Variants in RIT2 observed in about 807,000 individuals in gnomAD.
RIT2 encodes GTP-binding protein Rit2.
A neutral mutation model predicts 23.7 loss-of-function variants in RIT2; 24 were observed. The ratio of observed to expected loss-of-function variants is 1.01; its 90% CI spans 0.73 to 1.43. RIT2 has a LOEUF of 1.43. RIT2 is among the 40% of genes most tolerant of loss of function. RIT2 has a pLI of 0.00. For missense variants in RIT2, 236 were observed against 266.9 expected (o/e 0.88, Z 0.81); for synonymous variants, 107 against 91.1 (o/e 1.17, Z -0.99).
At chr18:42,789,192 T>C (rs1913986107) in intron 4 of RIT2, among the ~76,000 whole-genome samples, 1 of 152,176 alleles carries the variant, frequency 6.6e-6, no homozygotes, top group Admixed American at 6.5e-5. Context: ...ATAATTTCTG[T>C]AACATCAGTA....
chr18:42,762,676 AATTT>A (rs775394977), intron 4 of RIT2, among the ~76,000 whole-genome samples: 3 of 152,154 alleles, frequency 2.0e-5, no homozygotes, highest in Non-Finnish European at 4.4e-5. Flanking sequence ...ACTGCACTTA[AATTT>A]ATTTGTCATA....
intron 1 of RIT2, among the ~76,000 whole-genome samples, chr18:43,088,866 G>A (rs1014061674): frequency 7.2e-5 from 11 of 152,072 alleles, no homozygotes; most frequent in African/African-American, 2.2e-4. Context: ...GCAATCTAAG[G>A]AGAGGTATGT....
chr18:42,784,817 T>C (rs1913888911), intron 4 of RIT2, among the ~76,000 whole-genome samples: 1 of 152,090 alleles, frequency 6.6e-6, no homozygotes, highest in Non-Finnish European at 1.5e-5. Context: ...ACATGATTTA[T>C]AGAACATTGA....
intron 4 of RIT2, among the ~76,000 whole-genome samples, chr18:42,873,791 G>A (rs1907679178): frequency 6.6e-6 from 1 of 152,126 alleles, no homozygotes; most frequent in African/African-American, 2.4e-5. Flanking sequence ...TTTCAGGAAG[G>A]AGGGGACAAA....
intron 1 of RIT2, among the ~76,000 whole-genome samples, chr18:43,081,129 C>T (rs925092915): frequency 1.3e-5 from 2 of 152,038 alleles, no homozygotes; most frequent in Non-Finnish European, 2.9e-5. Flanking sequence ...CATTGATATA[C>T]TAATTACACA....
chr18:42,909,841 A>G (rs1025567686), intron 4 of RIT2, among the ~76,000 whole-genome samples: 1 of 152,122 alleles, frequency 6.6e-6, no homozygotes, highest in Non-Finnish European at 1.5e-5. Flanking sequence ...AAAGAATAGA[A>G]TGAGTAAAAA....
intron 2 of RIT2, among the ~76,000 whole-genome samples, chr18:42,983,273 T>C (rs1910637438): frequency 6.6e-6 from 1 of 152,078 alleles, no homozygotes; most frequent in Non-Finnish European, 1.5e-5. Flanking sequence ...AAATAAGCGT[T>C]TTTAACCAGT....
chr18:43,047,773 T>G (rs1032280662), intron 1 of RIT2, among the ~76,000 whole-genome samples: 2 of 152,060 alleles, frequency 1.3e-5, no homozygotes, highest in African/African-American at 4.8e-5. Flanking sequence ...GTTAGAAAAT[T>G]TGGGACAATT....
chr18:42,941,913 A>G (rs1382572672), intron 3 of RIT2, among the ~76,000 whole-genome samples: 2 of 152,168 alleles, frequency 1.3e-5, no homozygotes, highest in South Asian at 2.1e-4. Context: ...CCTGTCCAAG[A>G]TCACACGACT....
chr18:42,887,775 G>A (rs530663084), intron 4 of RIT2, among the ~76,000 whole-genome samples: 144 of 152,210 alleles, frequency 9.5e-4, no homozygotes, highest in African/African-American at 3.3e-3. Context: ...CCTCACAGTA[G>A]GTGAATAAAC....
At position 42,831,617 on chromosome 18, in the gene RIT2, G is replaced by C. The variant is rs140327238; in HGVS notation, c.427-87897C>G. Among the ~76,000 whole-genome samples the C allele has an allele frequency of 6.9e-3, 1,049 of 152,244 alleles. 7 individuals carry two copies. Among genetic ancestry groups the C allele is most frequent in the Non-Finnish European group, 8.2e-3 (557 of 68,010 alleles). On this transcript the variant is annotated intron_variant, in intron 4 of 4. Transcript: ENST00000326695. ...GTTCCAAAGAACAGGAAATGTGACG[G>C]AGGGTCTAGGAAGAAGAGAGAACTG...
chr18:42,924,563 A>G (rs1270202873), intron 3 of RIT2, among the ~76,000 whole-genome samples: 2 of 152,126 alleles, frequency 1.3e-5, no homozygotes, highest in Non-Finnish European at 2.9e-5. Flanking sequence ...AACTACTGTT[A>G]AAATGACAAT....
rs543620496 is a variant in RIT2, at chr18:42,850,926, T to A, written c.426+72646A>T. Among the ~76,000 whole-genome samples the A allele has an allele frequency of 9.2e-5, 14 of 152,326 alleles. 1 individual carries two copies. Among genetic ancestry groups the A allele is most frequent in the Middle Eastern group, 3.4e-3 (1 of 294 alleles). On this transcript the variant is annotated intron_variant, in intron 4 of 4. Transcript: ENST00000326695. The stretch of plus-strand genomic sequence containing the variant: ...GTTCTGTCACCATAACATACATTGT[T>A]TTCTCAACCTACTCTATAATTCCCA...
chr18:43,003,541 A>G lies in RIT2; in HGVS notation c.161-29394T>C, dbSNP rs867850547. 2.0e-5 allele frequency among the ~76,000 whole-genome samples: 3 copies of G among 151,984 alleles called. 1 individual carries two copies. The highest frequency in any genetic ancestry group is 6.8e-3 in the Middle Eastern group (2 of 294). On this transcript the variant is annotated intron_variant, in intron 2 of 4. Coordinates refer to ENST00000326695, the MANE Select transcript of RIT2 (RefSeq NM_002930.4). ...CAAAAATTCACTGAATTAAAAATAA[A>G]TTCATTCAGTGTTAATCACATCTAT...
rs138190946 is a variant in RIT2, at chr18:43,078,625, T to C, written c.103+36792A>G. ...TACCTAGCATAGTTTACATTCCTCC[T>C]GGAGCCTTCAGGGAAAAGAGCATGG... On this transcript the variant is annotated intron_variant, in intron 1 of 4. Transcript: ENST00000326695. Among the ~76,000 whole-genome samples the C allele has an allele frequency of 1.7e-3, 264 of 152,314 alleles. 1 individual carries two copies. Among genetic ancestry groups the C allele is most frequent in the South Asian group, 4.1e-3 (20 of 4,830 alleles).
intron 3 of RIT2, among the ~76,000 whole-genome samples, chr18:42,965,612 A>G (rs1243579057): frequency 6.6e-6 from 1 of 151,772 alleles, no homozygotes; most frequent in East Asian, 1.9e-4. Flanking sequence ...AATGTTTAGA[A>G]TTAGGGAAGA....
chr18:42,911,271 A>G (rs1908762572), intron 4 of RIT2, among the ~76,000 whole-genome samples: 1 of 152,032 alleles, frequency 6.6e-6, no homozygotes, highest in Admixed American at 6.6e-5. Flanking sequence ...GAAGACATAA[A>G]GAAGAGCTAA....
At chr18:42,980,255 A>G (rs1318448690) in intron 2 of RIT2, among the ~76,000 whole-genome samples, 2 of 151,744 alleles carry the variant, frequency 1.3e-5, no homozygotes, top group African/African-American at 4.8e-5. Context: ...CTAGAAATTC[A>G]CAGGAATTAT....
At chr18:42,902,318 T>C (rs1327002527) in intron 4 of RIT2, among the ~76,000 whole-genome samples, 1 of 151,650 alleles carries the variant, frequency 6.6e-6, no homozygotes, top group African/African-American at 2.4e-5. Flanking sequence ...TAATTTGTCA[T>C]GATGGTGATT....
Sources: allele counts gnomAD v4.1 joint callset (sites outside exome capture counted in the v4.1 genomes callset), GRCh38; gene constraint gnomAD v4.1.1; transcripts MANE v1.5; gene names NCBI Gene and HGNC (gene_info 2026-07-23, HGNC 2026-07-21).